SEPTIN2: variants seen among roughly 807,000 people sequenced by gnomAD.
SEPTIN2 encodes septin-2.
SEPTIN2 carries 34 observed loss-of-function variants against 46.5 expected under a neutral mutation model. The observed-to-expected ratio is 0.73, with a 90% CI of 0.56 to 0.97. SEPTIN2 has a LOEUF of 0.97. SEPTIN2 is among the 50% of genes least tolerant of loss of function. SEPTIN2 has a pLI of 0.00. For synonymous variants in SEPTIN2, 175 were observed against 153.4 expected, an observed-to-expected ratio of 1.14 and a Z score of -1.04; for missense variants, 347 against 448.4, an observed-to-expected ratio of 0.77 and a Z score of 2.04.
At chr2:241,325,421 A>G (rs1439674794) in intron 2 of SEPTIN2, among the ~76,000 whole-genome samples, 1 of 152,120 alleles carries the variant, frequency 6.6e-6, no homozygotes, top group African/African-American at 2.4e-5. Context: ...TTGACACTAG[A>G]TACTCAACAT....
chr2:241,344,921 G>A (rs1274230865), intron 9 of SEPTIN2, among the ~76,000 whole-genome samples: 1 of 151,946 alleles, frequency 6.6e-6, no homozygotes, highest in Non-Finnish European at 1.5e-5. Context: ...AAACCAGCCT[G>A]GCCAACATGG....
At chr2:241,344,689 C>T (rs1197906591) in intron 9 of SEPTIN2, among the ~76,000 whole-genome samples, 4 of 150,004 alleles carry the variant, frequency 2.7e-5, no homozygotes, top group South Asian at 2.1e-4. Flanking sequence ...GGCGACAGAG[C>T]GAGACTCTGT....
chr2:241,353,481 C>A lies in SEPTIN2; in HGVS notation c.*1544C>A, dbSNP rs2060923584. ...CAGGGTTTTTTCATTTTTGTGGGGG[C>A]TAGAAAAAACATAAAATGAGGCAGT... On this transcript the variant is annotated 3_prime_UTR_variant, in exon 13 of 13. Coordinates refer to ENST00000391971, the MANE Select transcript of SEPTIN2 (RefSeq NM_004404.5). 6.6e-6 allele frequency: 1 copy of A among 151,930 alleles called. No individual in the cohort carries two copies. Among genetic ancestry groups the A allele is most frequent in the African/African-American group, 2.4e-5 (1 of 41,338 alleles). The allele number at this position is 151,930 out of a possible 1,614,324, so 9.4% of individuals were successfully genotyped here.
chr2:241,343,128 C>G (rs748136825), intron 8 of SEPTIN2, 35 bp downstream of exon 8: 36 of 1,123,022 alleles, frequency 3.2e-5, no homozygotes. Context: ...ACATAAATAA[C>G]TCCTGTTTAC....
intron 3 of SEPTIN2, among the ~76,000 whole-genome samples, chr2:241,333,110 C>T (rs2079284701): frequency 6.6e-6 from 1 of 152,054 alleles, no homozygotes; most frequent in Non-Finnish European, 1.5e-5. Flanking sequence ...GTAAATCGTG[C>T]CTCAAAGTGG....
At chr2:241,337,930 G>T in intron 7 of SEPTIN2, 140 bp downstream of exon 7, 1 of 557,622 alleles carries the variant, frequency 1.8e-6, no homozygotes, top group African/African-American at 1.9e-5. Flanking sequence ...TTTAGTGGTG[G>T]TTTTCAAGGA....
chr2:241,333,617 C>G (rs1010278279), intron 3 of SEPTIN2, among the ~76,000 whole-genome samples: 3 of 132,422 alleles, frequency 2.3e-5, no homozygotes, highest in Non-Finnish European at 5.0e-5. Flanking sequence ...TCACGCCATT[C>G]TCCTGCCTCC....
At chr2:241,333,659 A>T (rs1347502651) in intron 3 of SEPTIN2, among the ~76,000 whole-genome samples, 1 of 151,154 alleles carries the variant, frequency 6.6e-6, no homozygotes, top group African/African-American at 2.4e-5. Context: ...GCCCGCCACC[A>T]CGCCCGGCTA....
intron 8 of SEPTIN2, 84 bp from the exon 9 acceptor site, chr2:241,343,668 A>G: frequency 1.3e-6 from 2 of 1,492,252 alleles, no homozygotes; most frequent in Non-Finnish European, 1.8e-6. Flanking sequence ...GCAATGTGTT[A>G]AGTCTGTGCT....
At chr2:241,338,459 G>C (rs2080402454) in intron 7 of SEPTIN2, among the ~76,000 whole-genome samples, 1 of 150,574 alleles carries the variant, frequency 6.6e-6, no homozygotes, top group Non-Finnish European at 1.5e-5. Flanking sequence ...TGAACATACC[G>C]ATCTGTGCGT....
chr2:241,335,923 T>C, intron 4 of SEPTIN2, 52 bp from the exon 5 acceptor site: 1 of 1,613,616 alleles, frequency 6.2e-7, no homozygotes, highest in Non-Finnish European at 8.5e-7. Flanking sequence ...GAACGTGAGC[T>C]TTCCTCTTCA....
chr2:241,325,958 G>A (rs1408201382), intron 2 of SEPTIN2, 35 bp from the exon 3 acceptor site: 4 of 1,590,202 alleles, frequency 2.5e-6, no homozygotes, highest in Non-Finnish European at 3.4e-6. Flanking sequence ...CTACTAAGGT[G>A]TTTATTAGTT....
intron 1 of SEPTIN2, among the ~76,000 whole-genome samples, chr2:241,317,819 T>G (rs1229010736): frequency 6.6e-6 from 1 of 152,160 alleles, no homozygotes; most frequent in Non-Finnish European, 1.5e-5. Flanking sequence ...GTTTTTTATG[T>G]GTATTGGGGT....
At chr2:241,335,446 T>C (rs2079791584) in intron 4 of SEPTIN2, 1 of 1,127,436 alleles carries the variant, frequency 8.9e-7, no homozygotes, top group Admixed American at 2.0e-5. Flanking sequence ...GTCTGTAAAA[T>C]GTAATAAGTA....
chr2:241,333,188 T>G (rs1266138785), intron 3 of SEPTIN2, among the ~76,000 whole-genome samples: 1 of 152,082 alleles, frequency 6.6e-6, no homozygotes, highest in African/African-American at 2.4e-5. Flanking sequence ...GCCACAAGAA[T>G]CCTCAACTTT....
At chr2:241,332,313 T>C (rs752962198) in intron 3 of SEPTIN2, among the ~76,000 whole-genome samples, 1 of 152,134 alleles carries the variant, frequency 6.6e-6, no homozygotes, top group Non-Finnish European at 1.5e-5. Flanking sequence ...TATAAAAATA[T>C]TGCACAGATC....
rs1421599073 is a variant in SEPTIN2 at position 241,343,046 on chromosome 2, G to C, written c.649G>C (p.Glu217Gln). The change falls in exon 8 of 13, where the codon GAA becomes CAA. Residue 217 changes from glutamate to glutamine, a missense_variant. Transcript: ENST00000391971. ...CAAAATCTATCACTTACCTGATGCA[G>C]AATCAGATGAAGATGAAGATTTTAA... is the stretch of plus-strand genomic sequence containing the variant. ...NIKIYHLPDA[E>Q]SDEDEDFKEQ... 1 of 1,610,932 alleles carries C rather than the reference G, an allele frequency of 6.2e-7. No homozygotes were observed.
At chr2:241,347,049 G>GT (rs2060306884) in intron 10 of SEPTIN2, among the ~76,000 whole-genome samples, 2 of 152,144 alleles carry the variant, frequency 1.3e-5, no homozygotes, top group Non-Finnish European at 1.5e-5. Context: ...GAACCCAGTA[G>GT]TTTGAGACCG....
intron 1 of SEPTIN2, chr2:241,316,740 C>G (rs552498721): frequency 2.2e-5 from 10 of 445,092 alleles, no homozygotes; most frequent in African/African-American, 1.6e-4. Flanking sequence ...TGCCACCAGA[C>G]CTTGTCCTCT....
Sources: gnomAD v4.1 joint callset for allele counts (sites outside exome capture counted in the v4.1 genomes callset) on GRCh38, gnomAD v4.1.1 for gene constraint, MANE v1.5 for transcripts, NCBI Gene and HGNC (gene_info 2026-07-23, HGNC 2026-07-21) for gene names.